Variants in BAG2 observed in about 807,000 individuals in gnomAD.
BAG2 encodes BAG family molecular chaperone regulator 2.
BAG2 carries 8 observed loss-of-function variants against 16.4 expected under a neutral mutation model. That is an observed-to-expected ratio of 0.49 (90% confidence interval 0.29 to 0.88). The LOEUF is 0.88. BAG2 is among the 40% of genes least tolerant of loss of function. BAG2 has a pLI of 0.09. For synonymous variants in BAG2, 82 were observed against 89.2 expected (o/e 0.92, Z 0.46); for missense variants, 218 against 248.9 (o/e 0.88, Z 0.84).
chr6:57,181,280 TGTA>T (rs201008316), intron 1 of BAG2, among the ~76,000 whole-genome samples: 156 of 152,368 alleles, frequency 1.0e-3, no homozygotes, highest in African/African-American at 3.5e-3. Context: ...AAGTGTTATT[TGTA>T]GTAATGAGAA....
intron 2 of BAG2, among the ~76,000 whole-genome samples, chr6:57,183,145 T>G (rs1685491351): frequency 6.6e-6 from 1 of 152,200 alleles, no homozygotes; most frequent in Non-Finnish European, 1.5e-5. Context: ...TAGGCCATGA[T>G]CTAGTCTCTA....
Position 57,188,745 on chromosome 6 carries a change from A to T in BAG2, c.*4555A>T, listed in dbSNP as rs897689718. On this transcript the variant is annotated 3_prime_UTR_variant, in exon 3 of 3. Coordinates refer to ENST00000370693, the MANE Select transcript of BAG2 (RefSeq NM_004282.4). ...AGCATTTTACATTACTGTGAAATAG[A>T]TAATGCCAGATCATTTCAATATAAT... The T allele has an allele frequency of 6.6e-6, 1 of 152,220 alleles. No homozygotes were observed. The highest frequency in any genetic ancestry group is 1.5e-5 in the Non-Finnish European group (1 of 68,032). 9.4% of individuals were successfully genotyped at this position (152,220 alleles called of 1,614,324 possible).
In BAG2 at chr6:57,184,228, G is replaced by A; in HGVS notation, c.*38G>A. The stretch of plus-strand genomic sequence containing the variant: ...AGAGCATTTACACAATACACAAGGT[G>A]TAAAAATGATAAAATACTATTTTAA... On this transcript the variant is annotated 3_prime_UTR_variant, in exon 3 of 3. Transcript: ENST00000370693. 3.5e-6 allele frequency: 5 copies of A among 1,439,068 alleles called. No homozygotes were observed. Among genetic ancestry groups the A allele is most frequent in the East Asian group, 2.4e-5 (1 of 41,418 alleles). 89.1% of individuals were successfully genotyped at this position (1,439,068 alleles called of 1,614,324 possible).
In BAG2 at chr6:57,185,395, G is replaced by C. The variant is rs1266031248; in HGVS notation, c.*1205G>C. The stretch of plus-strand genomic sequence containing the variant: ...CAACAACTTCCCTGGATACTATTTT[G>C]AAATGAACACATCAATTTTTATTTG... On this transcript the variant is annotated 3_prime_UTR_variant, in exon 3 of 3. Transcript: ENST00000370693. The C allele has an allele frequency of 1.3e-5, 2 of 152,092 alleles. No individual in the cohort carries two copies. The highest frequency in any genetic ancestry group is 3.8e-4 in the East Asian group (2 of 5,196). 9.4% of individuals were successfully genotyped at this position (152,092 alleles called of 1,614,324 possible). A position where few individuals can be genotyped will look rare whatever the true frequency, so the allele number is the denominator to read the frequency against.
Position 57,189,436 on chromosome 6 carries a change from CAGTG to C in BAG2, c.*5249_*5252del, listed in dbSNP as rs772529109. The C allele has an allele frequency of 2.0e-5, 3 of 152,176 alleles. No homozygotes were observed. The highest frequency in any genetic ancestry group is 4.8e-5 in the African/African-American group (2 of 41,440). The allele number at this position is 152,176 out of a possible 1,614,324, so 9.4% of individuals were successfully genotyped here. On this transcript the variant is annotated 3_prime_UTR_variant, in exon 3 of 3. Coordinates refer to ENST00000370693, the MANE Select transcript of BAG2 (RefSeq NM_004282.4). ...TCTTGTAAGTTCAAAGCTGGGTTCT[CAGTG>C]AGCAGCAAAAGGTGTTAGATGCATC...
rs775112624 is a variant in BAG2 at position 57,172,770 on chromosome 6, T to C, written c.73T>C (p.Ser25Pro). 6.3e-7 allele frequency: 1 copy of C among 1,575,502 alleles called. No individual in the cohort carries two copies. Among genetic ancestry groups the C allele is most frequent in the South Asian group, 1.2e-5 (1 of 85,610 alleles). ...CCGCTCCTCCTCCATGGCTGACCGC[T>C]CCAGCCGCCTGCTGGAGAGCCTGGA... ...FCRSSSMADR[S>P]SRLLESLDQL... The change falls in exon 1 of 3, where the codon TCC (serine) becomes CCC (proline). Residue 25 changes from serine to proline, a missense_variant. Physicochemically the swap from Ser to Pro is moderately conservative, Grantham distance 74. This residue lies in a region of BAG2 where 75 missense variants were observed against 63.1 expected (regional missense o/e 1.19). Coordinates refer to ENST00000370693, the MANE Select transcript of BAG2 (RefSeq NM_004282.4).
At chr6:57,176,526 G>A (rs1227369266) in intron 1 of BAG2, among the ~76,000 whole-genome samples, 2 of 152,148 alleles carry the variant, frequency 1.3e-5, no homozygotes, top group Non-Finnish European at 2.9e-5. Flanking sequence ...GATGTTTGGG[G>A]GATGGGTTTT....
Position 57,186,313 on chromosome 6 carries a change from G to A in BAG2, c.*2123G>A, listed in dbSNP as rs894322692. 6.6e-6 allele frequency: 1 copy of A among 152,256 alleles called. No homozygotes were observed. Among genetic ancestry groups the A allele is most frequent in the Non-Finnish European group, 1.5e-5 (1 of 68,198 alleles). The allele number at this position is 152,256 out of a possible 1,614,324, so 9.4% of individuals were successfully genotyped here. A position where few individuals can be genotyped will look rare whatever the true frequency, so the allele number is the denominator to read the frequency against. On this transcript the variant is annotated 3_prime_UTR_variant, in exon 3 of 3. Coordinates refer to ENST00000370693, the MANE Select transcript of BAG2 (RefSeq NM_004282.4). Reference sequence around the variant, plus strand: ...GTTTCTATAGTTTCATTTACTTCATGAGGTTTCATTTTTTCTTTTCTGAGA... The same window carrying A: ...GTTTCTATAGTTTCATTTACTTCATAAGGTTTCATTTTTTCTTTTCTGAGA...
rs1764653751 is a variant in BAG2 at position 57,187,665 on chromosome 6, G to A, written c.*3475G>A. On this transcript the variant is annotated 3_prime_UTR_variant, in exon 3 of 3. Transcript: ENST00000370693. ...GTCCAACACTAAGTTGGGACATTAG[G>A]TCCTAAGGCCAACTCCCTATTCTAA... 6.6e-6 allele frequency: 1 copy of A among 151,980 alleles called. No individual in the cohort carries two copies. Among genetic ancestry groups the A allele is most frequent in the Admixed American group, 6.6e-5 (1 of 15,250 alleles). The allele number at this position is 151,980 out of a possible 1,614,324, so 9.4% of individuals were successfully genotyped here.
intron 2 of BAG2, among the ~76,000 whole-genome samples, chr6:57,182,953 G>A (rs1227456242): frequency 6.6e-6 from 1 of 152,178 alleles, no homozygotes; most frequent in Non-Finnish European, 1.5e-5. Context: ...CCTAACCTGT[G>A]CTGTCATTTT....
Position 57,184,414 on chromosome 6 carries a change from G to A in BAG2, c.*224G>A. On this transcript the variant is annotated 3_prime_UTR_variant, in exon 3 of 3. Coordinates refer to ENST00000370693, the MANE Select transcript of BAG2 (RefSeq NM_004282.4). ...ATTTTTTAGATTGAATTCTTGTCTT[G>A]TACTAGGATCTAGCATATTTCACTA... The A allele has an allele frequency of 2.7e-6, 1 of 370,082 alleles. No individual in the cohort carries two copies. Among genetic ancestry groups the A allele is most frequent in the Non-Finnish European group, 4.7e-6 (1 of 211,524 alleles). 22.9% of individuals were successfully genotyped at this position (370,082 alleles called of 1,614,324 possible).
intron 1 of BAG2, chr6:57,173,221 G>C (rs1764179546): frequency 3.0e-6 from 3 of 988,246 alleles, no homozygotes; most frequent in Admixed American, 6.1e-5. Flanking sequence ...TACTCTTCTC[G>C]TTATGCATTT....
In BAG2 at chr6:57,189,198, AAAG is replaced by A. The variant is rs1764734329; in HGVS notation, c.*5011_*5013del. The A allele has an allele frequency of 6.6e-6, 1 of 152,158 alleles. No homozygotes were observed. Among genetic ancestry groups the A allele is most frequent in the African/African-American group, 2.4e-5 (1 of 41,408 alleles). 9.4% of individuals were successfully genotyped at this position (152,158 alleles called of 1,614,324 possible). ...TGATTACATATTAAATCATTTTGTA[AAAG>A]AAATGATTCTGTATGTGGGACTGAC... On this transcript the variant is annotated 3_prime_UTR_variant, in exon 3 of 3. Transcript: ENST00000370693.
At chr6:57,183,718 A>G in intron 2 of BAG2, 60 bp from the exon 3 acceptor site, 1 of 1,415,756 alleles carries the variant, frequency 7.1e-7, no homozygotes, top group Non-Finnish European at 9.4e-7. Context: ...AAATTTAGTC[A>G]CAAACAAATG....
At position 57,184,251 on chromosome 6, in the gene BAG2, T is replaced by C; in HGVS notation, c.*61T>C. ...GTGTAAAAATGATAAAATACTATTT[T>C]AATTGATAACTAGTTCTTTGTTAGG... On this transcript the variant is annotated 3_prime_UTR_variant, in exon 3 of 3. Transcript: ENST00000370693. 1 of 1,378,372 alleles carries C rather than the reference T, an allele frequency of 7.3e-7. No homozygotes were observed. The highest frequency in any genetic ancestry group is 2.6e-5 in the East Asian group (1 of 38,598). The allele number at this position is 1,378,372 out of a possible 1,614,324, so 85.4% of individuals were successfully genotyped here.
At position 57,174,227 on chromosome 6, in the gene BAG2, A is replaced by C. The variant is rs892723089; in HGVS notation, c.113+1417A>C. On this transcript the variant is annotated intron_variant, in intron 1 of 2. Coordinates refer to ENST00000370693, the MANE Select transcript of BAG2 (RefSeq NM_004282.4). Reference sequence around the variant, plus strand: ...GGGAGCCACATAACAAGTAACACACATCTCTCCATGTCTTCAGAACGTTGA... The same window carrying C: ...GGGAGCCACATAACAAGTAACACACCTCTCTCCATGTCTTCAGAACGTTGA... 2.0e-5 allele frequency: 23 copies of C among 1,160,184 alleles called. No homozygotes were observed. In the Admixed American group the frequency reaches 3.5e-4, roughly 17 times the overall value. The allele number at this position is 1,160,184 out of a possible 1,614,324, so 71.9% of individuals were successfully genotyped here. A position where few individuals can be genotyped will look rare whatever the true frequency, so the allele number is the denominator to read the frequency against.
At chr6:57,181,086 G>T (rs1764426659) in intron 1 of BAG2, among the ~76,000 whole-genome samples, 1 of 152,230 alleles carries the variant, frequency 6.6e-6, no homozygotes, top group African/African-American at 2.4e-5. Flanking sequence ...AATGCAGAAT[G>T]TTGGTAGGGA....
rs1435046321 is a variant in BAG2 at position 57,186,085 on chromosome 6, C to G, written c.*1895C>G. ...TGTACCTAGAGCCACATCTAAAGGG[C>G]AGGGAATCTCCAGTGTGGTTTTTTG... On this transcript the variant is annotated 3_prime_UTR_variant, in exon 3 of 3. Coordinates refer to ENST00000370693, the MANE Select transcript of BAG2 (RefSeq NM_004282.4). 6.6e-6 allele frequency: 1 copy of G among 152,210 alleles called. No homozygotes were observed. The highest frequency in any genetic ancestry group is 1.5e-5 in the Non-Finnish European group (1 of 68,164). 9.4% of individuals were successfully genotyped at this position (152,210 alleles called of 1,614,324 possible).
chr6:57,185,462 A>C lies in BAG2; in HGVS notation c.*1272A>C, dbSNP rs1764594324. 1 of 152,238 alleles carries C rather than the reference A, an allele frequency of 6.6e-6. No individual in the cohort carries two copies. The highest frequency in any genetic ancestry group is 6.5e-5 in the Admixed American group (1 of 15,274). The allele number at this position is 152,238 out of a possible 1,614,324, so 9.4% of individuals were successfully genotyped here. On this transcript the variant is annotated 3_prime_UTR_variant, in exon 3 of 3. Coordinates refer to ENST00000370693, the MANE Select transcript of BAG2 (RefSeq NM_004282.4). Reference sequence around the variant, plus strand: ...ACACTGAAAAACCAAATCAAGATCCAAACTGACTTTATGTATGTATATATC... The same window carrying C: ...ACACTGAAAAACCAAATCAAGATCCCAACTGACTTTATGTATGTATATATC...
Sources: gnomAD v4.1 joint callset for allele counts (sites outside exome capture counted in the v4.1 genomes callset) on GRCh38, gnomAD v4.1.1 for gene constraint, gnomAD v4.1.1 regional missense constraint, MANE v1.5 for transcripts, NCBI Gene and HGNC (gene_info 2026-07-23, HGNC 2026-07-21) for gene names.